Variants in MICAL3 observed in about 807,000 individuals in gnomAD.
MICAL3 encodes [F-actin]-monooxygenase MICAL3.
Under a neutral mutation model 207.4 loss-of-function variants are expected in MICAL3, and 62 were observed. The ratio of observed to expected loss-of-function variants is 0.30; its 90% CI spans 0.24 to 0.37. The LOEUF is 0.37. MICAL3 is among the 10% of genes least tolerant of loss of function. The pLI is 1.00. For missense variants in MICAL3, 2,368 were observed against 2,635.6 expected, an observed-to-expected ratio of 0.90 and a Z score of 2.22; for synonymous variants, 1,077 against 1,069.3, an observed-to-expected ratio of 1.01 and a Z score of -0.14.
intron 19 of MICAL3, among the ~76,000 whole-genome samples, chr22:17,859,637 G>A (rs1033439976): frequency 1.3e-5 from 2 of 152,244 alleles, no homozygotes; most frequent in Admixed American, 1.3e-4. Context: ...CAGGAAGAAA[G>A]AGCAAGAACT....
chr22:17,803,888 A>G, intron 29 of MICAL3: 10 of 978,424 alleles, frequency 1.0e-5, no homozygotes, highest in Non-Finnish European at 1.2e-5. Flanking sequence ...GTGAAGAGAG[A>G]GTTATTCCAT....
At chr22:17,792,484 A>C (rs1260701455) in intron 29 of MICAL3, among the ~76,000 whole-genome samples, 1 of 152,222 alleles carries the variant, frequency 6.6e-6, no homozygotes, top group African/African-American at 2.4e-5. Context: ...AGGCCAGTTA[A>C]GACAAGCCCA....
At chr22:18,000,355 G>T (rs770307349) in intron 1 of MICAL3, among the ~76,000 whole-genome samples, 14 of 152,046 alleles carry the variant, frequency 9.2e-5, no homozygotes, top group Non-Finnish European at 1.9e-4. Flanking sequence ...ACCATTAAAA[G>T]AACACAAATG....
chr22:17,822,911 G>T, intron 23 of MICAL3, 36 bp downstream of exon 23: 1 of 1,397,842 alleles, frequency 7.2e-7, no homozygotes, highest in Non-Finnish European at 1.0e-6. Context: ...TCTTCCCTGA[G>T]CTCCCACCAC....
intron 1 of MICAL3, among the ~76,000 whole-genome samples, chr22:17,921,085 T>C (rs1932790982): frequency 6.6e-6 from 1 of 152,142 alleles, no homozygotes; most frequent in South Asian, 2.1e-4. Flanking sequence ...CTGTTAAAAT[T>C]CACCATGGCA....
intron 29 of MICAL3, among the ~76,000 whole-genome samples, chr22:17,800,920 C>T (rs1408875853): frequency 5.9e-5 from 9 of 152,290 alleles, no homozygotes; most frequent in Non-Finnish European, 1.3e-4. Flanking sequence ...TCCTCACGGG[C>T]GTGGCGAGAA....
chr22:17,980,920 C>T (rs565134384), intron 1 of MICAL3: 3 of 533,366 alleles, frequency 5.6e-6, no homozygotes, highest in African/African-American at 3.8e-5. Flanking sequence ...GGGCCTGCCC[C>T]GGCCCCCACC....
At chr22:17,936,155 A>G (rs1016591417) in intron 1 of MICAL3, among the ~76,000 whole-genome samples, 1 of 152,230 alleles carries the variant, frequency 6.6e-6, no homozygotes, top group African/African-American at 2.4e-5. Flanking sequence ...TATTCACAAT[A>G]GCAAAGACTT....
chr22:17,861,482 C>T (rs978254308), intron 19 of MICAL3: 5 of 985,338 alleles, frequency 5.1e-6, no homozygotes, highest in Admixed American at 6.1e-5. Flanking sequence ...GCTATGCCTT[C>T]GGCTTCCCTA....
At chr22:17,822,921 C>T (rs1601974089) in intron 23 of MICAL3, 26 bp downstream of exon 23, 1 of 1,497,860 alleles carries the variant, frequency 6.7e-7, no homozygotes, top group South Asian at 1.1e-5. Context: ...GCTCCCACCA[C>T]AGGGGCGGGG....
intron 22 of MICAL3, among the ~76,000 whole-genome samples, chr22:17,826,976 C>T (rs567198264): frequency 8.5e-5 from 13 of 152,310 alleles, no homozygotes; most frequent in African/African-American, 2.9e-4. Context: ...AAAATGTGCA[C>T]GCACAGAAGT....
chr22:17,902,855 T>C lies in MICAL3; in HGVS notation c.473-108A>G. 1 of 657,432 alleles carries C rather than the reference T, an allele frequency of 1.5e-6. No homozygotes were observed. 40.7% of individuals were successfully genotyped at this position (657,432 alleles called of 1,614,324 possible). The stretch of plus-strand genomic sequence containing the variant: ...GCCACCTACGCCCCCTTCATTCAGA[T>C]TCCCAAAGCCTGCTGTAGCAGGAGA... On this transcript the variant is annotated intron_variant, in intron 3 of 31. Transcript: ENST00000441493. This position sits in a 1 kb window ranked among gnomAD's most constrained non-coding sequence, Gnocchi z 4.5.
At chr22:17,843,060 G>T (rs1924216722) in intron 19 of MICAL3, among the ~76,000 whole-genome samples, 1 of 144,028 alleles carries the variant, frequency 6.9e-6, no homozygotes, top group African/African-American at 2.6e-5. Context: ...GGCGGAGCTT[G>T]CAGTGAACCG....
At chr22:17,981,629 A>T (rs561659287) in intron 1 of MICAL3, among the ~76,000 whole-genome samples, 1 of 152,298 alleles carries the variant, frequency 6.6e-6, no homozygotes, top group South Asian at 2.1e-4. Flanking sequence ...CCAGCCCCCA[A>T]CATGACATGT....
chr22:17,955,634 C>T (rs1424749689), intron 1 of MICAL3, among the ~76,000 whole-genome samples: 1 of 152,234 alleles, frequency 6.6e-6, no homozygotes, highest in African/African-American at 2.4e-5. Flanking sequence ...CCATAATATC[C>T]TCATTTAATT....
intron 1 of MICAL3, among the ~76,000 whole-genome samples, chr22:17,930,080 A>G (rs1473765982): frequency 2.6e-5 from 4 of 152,202 alleles, no homozygotes; most frequent in Non-Finnish European, 5.9e-5. Context: ...TGTTTAACAT[A>G]TTAGTCACAG....
At position 17,864,954 on chromosome 22, in the gene MICAL3, G is replaced by A; in HGVS notation, c.2550C>T (p.Thr850=). The A allele has an allele frequency of 6.2e-7, 1 of 1,612,160 alleles. No homozygotes were observed. Among genetic ancestry groups the A allele is most frequent in the South Asian group, 1.1e-5 (1 of 91,062 alleles). ...EAKGPLQDGA[T]TDANGRANAV... Reference sequence around the variant, plus strand: ...CGTTGGCCCGTCCGTTTGCATCTGTGGTGGCGCCATCCTGCAGGGGTCCTT... The same window carrying A: ...CGTTGGCCCGTCCGTTTGCATCTGTAGTGGCGCCATCCTGCAGGGGTCCTT... The change falls in exon 19 of 32, where the codon ACC becomes ACT. Residue 850 remains threonine, a synonymous_variant. Transcript: ENST00000441493.
intron 1 of MICAL3, among the ~76,000 whole-genome samples, chr22:17,921,892 G>T (rs1186793151): frequency 6.6e-6 from 1 of 152,090 alleles, no homozygotes; most frequent in Non-Finnish European, 1.5e-5. Context: ...CTGACACTAG[G>T]AAACAATCCA....
At chr22:17,950,660 A>G (rs776265627) in intron 1 of MICAL3, among the ~76,000 whole-genome samples, 3 of 152,066 alleles carry the variant, frequency 2.0e-5, no homozygotes, top group Non-Finnish European at 4.4e-5. Flanking sequence ...AAAACACATA[A>G]CAGCACTCCT....
Sources: gnomAD v4.1 joint callset for allele counts (sites outside exome capture counted in the v4.1 genomes callset) on GRCh38, gnomAD v4.1.1 for gene constraint, Gnocchi (gnomAD v3.1) non-coding constraint, MANE v1.5 for transcripts, NCBI Gene and HGNC (gene_info 2026-07-23, HGNC 2026-07-21) for gene names.